PLEKHA7: variants seen among roughly 807,000 people sequenced by gnomAD.
PLEKHA7 encodes pleckstrin homology domain-containing family A member 7.
In PLEKHA7, 104 loss-of-function variants were observed where a neutral mutation model predicts 170.0. That is an observed-to-expected ratio of 0.61 (90% CI 0.52 to 0.72). The LOEUF is 0.72. Among genes scored for constraint, PLEKHA7 ranks in the 30% least tolerant of loss-of-function variants. PLEKHA7 has a pLI of 0.00. For synonymous variants in PLEKHA7, 648 were observed against 660.8 expected (o/e 0.98, Z 0.30); for missense variants, 1,615 against 1,671.7 (o/e 0.97, Z 0.59).
intron 3 of PLEKHA7, among the ~76,000 whole-genome samples, chr11:16,890,012 G>GA (rs1261066502): frequency 1.3e-5 from 2 of 151,902 alleles, no homozygotes; most frequent in African/African-American, 2.4e-5. Flanking sequence ...TCTTCTTAAA[G>GA]AAAAAAATGC....
chr11:16,837,314 C>A (rs888628151), intron 9 of PLEKHA7, among the ~76,000 whole-genome samples: 1 of 152,208 alleles, frequency 6.6e-6, no homozygotes, highest in African/African-American at 2.4e-5. Flanking sequence ...ATACCCAAAT[C>A]TCAGCTATCT....
chr11:16,863,255 C>T (rs1854119103), intron 4 of PLEKHA7, among the ~76,000 whole-genome samples: 1 of 152,150 alleles, frequency 6.6e-6, no homozygotes, highest in Non-Finnish European at 1.5e-5. Context: ...TTTGGAAAGA[C>T]AGTATCTTCT....
intron 6 of PLEKHA7, 58 bp from the exon 7 acceptor site, chr11:16,852,413 A>G: frequency 1.4e-6 from 2 of 1,470,824 alleles, no homozygotes; most frequent in Non-Finnish European, 1.9e-6. Context: ...GTCCCTTTCC[A>G]AGCATGCACA....
chr11:16,804,528 G>A (rs1848814033), intron 13 of PLEKHA7, among the ~76,000 whole-genome samples: 1 of 152,180 alleles, frequency 6.6e-6, no homozygotes, highest in African/African-American at 2.4e-5. Context: ...AAGGTCAAGG[G>A]AGAGGACCTC....
chr11:16,936,387 G>A (rs1209680974), intron 3 of PLEKHA7, among the ~76,000 whole-genome samples: 2 of 106,198 alleles, frequency 1.9e-5, no homozygotes, highest in African/African-American at 3.8e-5. Context: ...GGGAAATAGC[G>A]TGAGACTCTG....
chr11:16,937,615 C>CT (rs199658017), intron 3 of PLEKHA7, among the ~76,000 whole-genome samples: 41 of 145,098 alleles, frequency 2.8e-4, no homozygotes, highest in Middle Eastern at 3.5e-3. Flanking sequence ...TTTTTCTTTT[C>CT]TTTTTTTTTT....
chr11:16,817,223 C>T lies in PLEKHA7; in HGVS notation c.1443G>A (p.Ser481=), dbSNP rs374401153. Residue 481 remains serine, a synonymous_variant, in exon 11 of 27, where the codon TCG becomes TCA. Coordinates refer to ENST00000531066, the MANE Select transcript of PLEKHA7 (RefSeq NM_001329630.2). This position sits in a 1 kb window ranked among gnomAD's most constrained non-coding sequence, Gnocchi z 4.4. ...TTCGGGGAGGTGGCGAGGAGCCCCC[C>T]GAGGGGTGTCGGGTGCTCTTGGGAA... ...QTLPKSTRHP[S]GGSSPPPRNL... 15 of 1,613,952 alleles carry T rather than the reference C, an allele frequency of 9.3e-6. No individual in the cohort carries two copies. The African/African-American group carries it at 1.2e-4, about 13-fold the overall frequency.
At chr11:16,821,099 C>T (rs777284891) in intron 10 of PLEKHA7, among the ~76,000 whole-genome samples, 49 of 152,200 alleles carry the variant, frequency 3.2e-4, no homozygotes, top group Non-Finnish European at 6.3e-4. Context: ...CTCCCTGTCA[C>T]TGAACAGGCA....
At chr11:16,818,064 T>C (rs1402531941) in intron 10 of PLEKHA7, among the ~76,000 whole-genome samples, 1 of 136,784 alleles carries the variant, frequency 7.3e-6, no homozygotes, top group Non-Finnish European at 1.6e-5. Context: ...CATCTCAGGG[T>C]CACCCCTACA....
intron 3 of PLEKHA7, among the ~76,000 whole-genome samples, chr11:16,915,632 GA>G (rs1858599989): frequency 6.7e-6 from 1 of 149,014 alleles, no homozygotes; most frequent in Admixed American, 6.7e-5. Flanking sequence ...TTGTTCTTGC[GA>G]TAGTTTACTG....
rs201217070 is a variant in PLEKHA7 at position 16,839,925 on chromosome 11, A to G, written c.872+1622T>C. ...TGTTGGGGACTAGACTGTGCACTAG[A>G]CTGTGTTGGGGAGAAAGATGTGTCA... On this transcript the variant is annotated intron_variant, in intron 9 of 26. Coordinates refer to ENST00000531066, the MANE Select transcript of PLEKHA7 (RefSeq NM_001329630.2). Among the ~76,000 whole-genome samples the G allele has an allele frequency of 5.3e-5, 8 of 152,238 alleles. No homozygotes were observed. The East Asian group carries it at 1.5e-3, about 29-fold the overall frequency.
At chr11:16,787,716 T>C (rs1373960877) in intron 23 of PLEKHA7, 1 of 152,210 alleles carries the variant, frequency 6.6e-6, no homozygotes, top group Non-Finnish European at 1.5e-5. Context: ...CAAGTCTTCT[T>C]TTTTAAGAGA....
intron 4 of PLEKHA7, among the ~76,000 whole-genome samples, chr11:16,861,160 G>T (rs556910074): frequency 6.6e-6 from 1 of 152,194 alleles, no homozygotes; most frequent in East Asian, 1.9e-4. Context: ...AAAATAAATT[G>T]TTTAAAGCAC....
intron 3 of PLEKHA7, among the ~76,000 whole-genome samples, chr11:16,894,008 G>C (rs1295862079): frequency 1.3e-5 from 2 of 152,166 alleles, no homozygotes; most frequent in East Asian, 3.9e-4. Flanking sequence ...GGGGACCTCT[G>C]GCTAGGCAAA....
chr11:16,981,934 C>T (rs902446364), intron 3 of PLEKHA7, among the ~76,000 whole-genome samples: 4 of 152,116 alleles, frequency 2.6e-5, no homozygotes, highest in African/African-American at 4.8e-5. Context: ...CTCTGTTTAC[C>T]CACGTTGCCC....
chr11:16,782,331 G>A (rs1849093973), intron 26 of PLEKHA7, among the ~76,000 whole-genome samples: 1 of 152,134 alleles, frequency 6.6e-6, no homozygotes, highest in Non-Finnish European at 1.5e-5. Flanking sequence ...AAGGCAGGAG[G>A]GGCCCCCTTC....
chr11:16,904,392 T>C (rs1857523348), intron 3 of PLEKHA7, among the ~76,000 whole-genome samples: 1 of 152,182 alleles, frequency 6.6e-6, no homozygotes, highest in African/African-American at 2.4e-5. Context: ...GAAGTAATGG[T>C]TGAGCAAAAT....
At chr11:16,802,317 A>G (rs1406978752) in intron 15 of PLEKHA7, among the ~76,000 whole-genome samples, 17 of 152,178 alleles carry the variant, frequency 1.1e-4, no homozygotes, top group Admixed American at 1.1e-3. Context: ...GGAGACAAGG[A>G]GCTTTAGGAA....
Position 16,789,275 on chromosome 11 carries a change from G to A in PLEKHA7, c.3178C>T (p.Arg1060Cys), listed in dbSNP as rs143911467. Residue 1060 changes from arginine to cysteine, a missense_variant, in exon 23 of 27, where the codon CGC becomes TGC. Physicochemically the swap from Arg to Cys is radical, Grantham distance 180. Coordinates refer to ENST00000531066, the MANE Select transcript of PLEKHA7 (RefSeq NM_001329630.2). The surrounding 1 kb of genome is among the most constrained non-coding windows in gnomAD (Gnocchi z 4.6). ...CGCTGGTGATCCCCTGAGTACAGGC[G>A]CTCCAAGGCACTCTTAGGTCTCTGA... is the stretch of plus-strand genomic sequence containing the variant. ...TFPRPKSALE[R>C]LYSGDHQRGK... 1,062 of 1,613,420 alleles carry A rather than the reference G, an allele frequency of 6.6e-4. 3 individuals carry two copies. The highest frequency in any genetic ancestry group is 9.9e-4 in the Middle Eastern group (6 of 6,036).
Sources: allele counts gnomAD v4.1 joint callset (sites outside exome capture counted in the v4.1 genomes callset), GRCh38; gene constraint gnomAD v4.1.1; non-coding constraint Gnocchi (gnomAD v3.1); transcripts MANE v1.5; gene names NCBI Gene and HGNC (gene_info 2026-07-23, HGNC 2026-07-21).